COL5A1: variants seen among roughly 807,000 people sequenced by gnomAD.
COL5A1 encodes the protein collagen type V alpha 1 chain.
A neutral mutation model predicts 263.7 loss-of-function variants in COL5A1; 16 were observed. The ratio of observed to expected loss-of-function variants is 0.06; its 90% CI spans 0.04 to 0.09. COL5A1 has a LOEUF of 0.09. Among genes scored for constraint, COL5A1 ranks in the 10% least tolerant of loss-of-function variants. The pLI is 1.00. For synonymous variants in COL5A1, 1,012 were observed against 1,004.5 expected (o/e 1.01, Z -0.14); for missense variants, 2,036 against 2,540.5 (o/e 0.80, Z 4.27).
rs367935482 is a variant in COL5A1, at chr9:134,789,139, T to G, written c.2647-16T>G. On this transcript the variant is annotated splice_polypyrimidine_tract_variant and intron_variant, in intron 31 of 65. Coordinates refer to ENST00000371817, the MANE Select transcript of COL5A1 (RefSeq NM_000093.5). This position sits in a 1 kb window ranked among gnomAD's most constrained non-coding sequence, Gnocchi z 4.8. ...CTGGCCCAGCTCTGATGCCTCCTCC[T>G]TAAACTCTCTTTCAGGGCTCTATTG... 1.3e-5 allele frequency: 21 copies of G among 1,612,482 alleles called. No individual in the cohort carries two copies. In the African/African-American group the frequency reaches 2.5e-4, roughly 19 times the overall value.
intron 4 of COL5A1, among the ~76,000 whole-genome samples, chr9:134,702,172 G>A (rs979412330): frequency 3.3e-5 from 5 of 152,142 alleles, no homozygotes; most frequent in Admixed American, 2.0e-4. Flanking sequence ...TGGGTTAGGC[G>A]GCAGCCAGGA....
In COL5A1 at chr9:134,741,991, C is replaced by T. The variant is rs964883167; in HGVS notation, c.1494+3183C>T. ...TCACACCCTGCTCCCTGTGGGCAGC[C>T]GTGGGCAGCCGTGGCAATTGGCTGG... On this transcript the variant is annotated intron_variant, in intron 11 of 65. Coordinates refer to ENST00000371817, the MANE Select transcript of COL5A1 (RefSeq NM_000093.5). This position sits in a 1 kb window ranked among gnomAD's most constrained non-coding sequence, Gnocchi z 4.5. Among the ~76,000 whole-genome samples, 7 of 152,008 alleles carry T rather than the reference C, an allele frequency of 4.6e-5. No homozygotes were observed. Among genetic ancestry groups the T allele is most frequent in the Non-Finnish European group, 1.0e-4 (7 of 68,018 alleles).
intron 13 of COL5A1, among the ~76,000 whole-genome samples, chr9:134,751,684 C>T (rs1835785947): frequency 6.6e-6 from 1 of 152,198 alleles, no homozygotes; most frequent in Non-Finnish European, 1.5e-5. Flanking sequence ...GGTGGGTAAT[C>T]CTCCAGCGGA....
At chr9:134,806,139 C>T (rs1271910105) in intron 41 of COL5A1, 50 bp from the exon 42 acceptor site, 1 of 1,362,792 alleles carries the variant, frequency 7.3e-7, no homozygotes, top group Admixed American at 2.0e-5. Flanking sequence ...AAGTCACGAC[C>T]ACGCAGTCTG....
intron 19 of COL5A1, among the ~76,000 whole-genome samples, chr9:134,762,467 C>T (rs534988170): frequency 6.6e-6 from 1 of 151,706 alleles, no homozygotes; most frequent in South Asian, 2.1e-4. Context: ...GCCATGGGGC[C>T]AGAGCACAGG....
intron 1 of COL5A1, among the ~76,000 whole-genome samples, chr9:134,643,097 C>T (rs1831355433): frequency 6.6e-6 from 1 of 152,202 alleles, no homozygotes; most frequent in South Asian, 2.1e-4. Context: ...AGGCTTGCTT[C>T]CCGGGGAGGG....
Position 134,754,005 on chromosome 9 carries a change from GA to G in COL5A1, c.1773+105del, listed in dbSNP as rs2132690181. 1 of 1,104,026 alleles carries G rather than the reference GA, an allele frequency of 9.1e-7. No homozygotes were observed. The highest frequency in any genetic ancestry group is 1.2e-5 in the South Asian group (1 of 80,178). 68.4% of individuals were successfully genotyped at this position (1,104,026 alleles called of 1,614,324 possible). A position where few individuals can be genotyped will look rare whatever the true frequency, so the allele number is the denominator to read the frequency against. On this transcript the variant is annotated intron_variant, in intron 15 of 65. Transcript: ENST00000371817. This position sits in a 1 kb window ranked among gnomAD's most constrained non-coding sequence, Gnocchi z 4.3. ...ACCCCAACTGCTGCATGTTTTCAAG[GA>G]AATTCGTGGGAATTGTCCTTGCTTT...
Position 134,759,212 on chromosome 9 carries a change from GCA to G in COL5A1, c.1935+926_1935+927del, listed in dbSNP as rs543344312. ...GAGTATGTGAGTGCACACCCCCCAT[GCA>G]CACACACACCCACACATACACCACA... On this transcript the variant is annotated intron_variant, in intron 18 of 65. Coordinates refer to ENST00000371817, the MANE Select transcript of COL5A1 (RefSeq NM_000093.5). 1.8e-3 allele frequency among the ~76,000 whole-genome samples: 265 copies of G among 146,454 alleles called. 1 individual carries two copies. The highest frequency in any genetic ancestry group is 2.4e-3 in the Non-Finnish European group (161 of 67,694).
rs1835824786 is a variant in COL5A1, at chr9:134,752,641, C to A, written c.1715C>A (p.Pro572His). 1 of 1,612,282 alleles carries A rather than the reference C, an allele frequency of 6.2e-7. No homozygotes were observed. The highest frequency in any genetic ancestry group is 8.5e-7 in the Non-Finnish European group (1 of 1,178,576). Reference protein sequence around the residue: ...GPMGLTGRPGPVGPPGSGGLK... With the variant: ...GPMGLTGRPGHVGPPGSGGLK... ...ATGGGTCTCACAGGGAGACCTGGCC[C>A]TGTGGTAAGTCATTGGCAAATCTGA... Residue 572 changes from proline (P) to histidine (H), a missense_variant, in exon 14 of 66, where the codon CCT becomes CAT. Physicochemically the swap from Pro to His is moderately conservative, Grantham distance 77 (BLOSUM62 -2). This residue lies in a region of COL5A1 where 1,078 missense variants were observed against 1,521.4 expected (regional missense o/e 0.71). Transcript: ENST00000371817.
chr9:134,803,014 C>G lies in COL5A1; in HGVS notation c.3114+19C>G. The G allele has an allele frequency of 6.4e-7, 1 of 1,562,294 alleles. No individual in the cohort carries two copies. The highest frequency in any genetic ancestry group is 1.2e-5 in the South Asian group (1 of 86,188). On this transcript the variant is annotated intron_variant, in intron 39 of 65. Coordinates refer to ENST00000371817, the MANE Select transcript of COL5A1 (RefSeq NM_000093.5). ...GACGAAGGTGAGTTTCTGGAGCCTT[C>G]TGTGTCAGCTCAGGCGTTTCCTCAG...
Position 134,641,937 on chromosome 9 carries a change from G to T in COL5A1, c.-251G>T, listed in dbSNP as rs1588391596. 7.7e-6 allele frequency: 3 copies of T among 389,906 alleles called. No homozygotes were observed. In the South Asian group the frequency reaches 3.9e-4, roughly 50 times the overall value. The allele number at this position is 389,906 out of a possible 1,614,324, so 24.2% of individuals were successfully genotyped here. ...AGGAGGAGGAGGAGGAGGCGAGGGCGAGCTAGCCCAGCGGGGTCCCGGCCG... is the reference window on the plus strand; with the variant it reads ...AGGAGGAGGAGGAGGAGGCGAGGGCTAGCTAGCCCAGCGGGGTCCCGGCCG... On this transcript the variant is annotated 5_prime_UTR_variant, in exon 1 of 66. Transcript: ENST00000371817.
At chr9:134,773,786 C>T (rs1449358773) in intron 26 of COL5A1, among the ~76,000 whole-genome samples, 1 of 152,232 alleles carries the variant, frequency 6.6e-6, no homozygotes, top group Non-Finnish European at 1.5e-5. Flanking sequence ...GGCAGTGGCA[C>T]TTCTCCAACG....
intron 18 of COL5A1, 70 bp from the exon 19 acceptor site, chr9:134,761,855 A>G (rs1276200842): frequency 2.7e-5 from 39 of 1,470,402 alleles, no homozygotes; most frequent in Non-Finnish European, 3.5e-5. Context: ...GAGAAAAACA[A>G]AGTGGGACCT....
At chr9:134,831,055 C>T (rs962120477) in intron 64 of COL5A1, among the ~76,000 whole-genome samples, 1 of 152,190 alleles carries the variant, frequency 6.6e-6, no homozygotes, top group Non-Finnish European at 1.5e-5. Flanking sequence ...CCCAGGTGGT[C>T]CTCAAAGGAG....
intron 1 of COL5A1, among the ~76,000 whole-genome samples, chr9:134,670,396 C>G (rs1015465341): frequency 3.9e-5 from 6 of 152,174 alleles, no homozygotes; most frequent in African/African-American, 1.4e-4. Flanking sequence ...CAACTGTGCC[C>G]CAGGCAGTGT....
intron 26 of COL5A1, among the ~76,000 whole-genome samples, 157 bp downstream of exon 26, chr9:134,772,991 G>A (rs1025251357): frequency 6.6e-6 from 1 of 151,996 alleles, no homozygotes; most frequent in African/African-American, 2.4e-5. Flanking sequence ...GACCCAGCCT[G>A]GGGGGGACAC....
intron 1 of COL5A1, among the ~76,000 whole-genome samples, chr9:134,659,635 C>G (rs1318104893): frequency 2.0e-5 from 3 of 152,172 alleles, no homozygotes; most frequent in Non-Finnish European, 4.4e-5. Context: ...CACCAACAAC[C>G]CTCTGTCCTC....
chr9:134,723,175 G>A (rs554198984), intron 4 of COL5A1, among the ~76,000 whole-genome samples: 5 of 152,314 alleles, frequency 3.3e-5, no homozygotes, highest in South Asian at 2.1e-4. Context: ...ACAGGTGCAA[G>A]CTCAGCTCCC....
chr9:134,791,528 G>T (rs1228475135), intron 32 of COL5A1, among the ~76,000 whole-genome samples: 1 of 151,866 alleles, frequency 6.6e-6, no homozygotes, highest in African/African-American at 2.4e-5. Context: ...GAATGACGGA[G>T]AGTGTGGGTG....
Sources: allele counts gnomAD v4.1 joint callset (sites outside exome capture counted in the v4.1 genomes callset), GRCh38; gene constraint gnomAD v4.1.1; regional missense constraint gnomAD v4.1.1; non-coding constraint Gnocchi (gnomAD v3.1); transcripts MANE v1.5; gene names NCBI Gene and HGNC (gene_info 2026-07-23, HGNC 2026-07-21).